Variants in CHD1L observed in about 807,000 individuals in gnomAD.
The protein encoded by CHD1L is ATP-dependent chromatin remodeler CHD1L.
A neutral mutation model predicts 115.9 loss-of-function variants in CHD1L; 118 were observed. The ratio of observed to expected loss-of-function variants is 1.02; its 90% CI spans 0.88 to 1.19. The LOEUF is 1.19. Ranked by LOEUF, CHD1L falls within the 50% of genes most tolerant of loss-of-function variation. CHD1L has a pLI of 0.00. For synonymous variants in CHD1L, 411 were observed against 387.1 expected (o/e 1.06, Z -0.72); for missense variants, 1,179 against 1,065.3 (o/e 1.11, Z -1.49).
chr1:147,289,270 A>C (rs1684577697), intron 19 of CHD1L, among the ~76,000 whole-genome samples: 1 of 152,116 alleles, frequency 6.6e-6, no homozygotes, highest in African/African-American at 2.4e-5. Context: ...AGAGGCAGAG[A>C]ACAGACCTGG....
chr1:147,254,368 A>G (rs6593751), intron 2 of CHD1L, among the ~76,000 whole-genome samples: 14,274 of 152,194 alleles, frequency 0.094, 743 homozygotes, highest in East Asian at 0.16. Flanking sequence ...CTGTAAATAC[A>G]TATGGAAGAA....
At chr1:147,279,347 T>C (rs1553960198) in intron 14 of CHD1L, among the ~76,000 whole-genome samples, 1 of 152,150 alleles carries the variant, frequency 6.6e-6, no homozygotes, top group Non-Finnish European at 1.5e-5. Flanking sequence ...GGAAAAATTA[T>C]CTGTGCTTTC....
chr1:147,188,428 C>T, the CHD1L span, among the ~76,000 whole-genome samples: 1 of 146,058 alleles, frequency 6.8e-6, no homozygotes, highest in East Asian at 2.1e-4. Flanking sequence ...GAGGCTGAGG[C>T]GGGAGAATTG....
At position 147,270,981 on chromosome 1, in the gene CHD1L, C is replaced by T; in HGVS notation, c.1135C>T (p.Leu379Phe). 1.2e-6 allele frequency: 2 copies of T among 1,614,010 alleles called. No homozygotes were observed. Among genetic ancestry groups the T allele is most frequent in the South Asian group, 2.2e-5 (2 of 91,074 alleles). The change falls in exon 11 of 23, where the codon CTC becomes TTC. Residue 379 changes from leucine to phenylalanine, a missense_variant. Transcript: ENST00000369258. ...CCAAATGACCCAGATGTTGGATATT[C>T]TCCAAGACTATATGGATTACAGAGG... Reference protein sequence around the residue: ...FSQMTQMLDILQDYMDYRGYS... With the variant: ...FSQMTQMLDIFQDYMDYRGYS...
At chr1:147,186,534 A>T in the CHD1L span, 16 of 1,004,986 alleles carry the variant, frequency 1.6e-5, no homozygotes, top group Non-Finnish European at 1.9e-5. Context: ...GGAGTAAGCG[A>T]TTTTATACCG....
At chr1:147,224,750 T>C in the CHD1L span, 1 of 697,058 alleles carries the variant, frequency 1.4e-6, no homozygotes, top group Admixed American at 2.2e-5. Context: ...GACCTCGTGA[T>C]CCGCCCGCCT....
At chr1:147,284,528 G>T in intron 16 of CHD1L, 29 bp downstream of exon 16, 2 of 1,524,670 alleles carry the variant, frequency 1.3e-6, no homozygotes, top group South Asian at 2.5e-5. Flanking sequence ...TTTAAAAGTT[G>T]TTCTTCCAAA....
At chr1:147,212,525 C>G in the CHD1L span, 1 of 1,612,500 alleles carries the variant, frequency 6.2e-7, no homozygotes, top group African/African-American at 1.3e-5. Flanking sequence ...GCCCTTTGAA[C>G]TTCTCAATTC....
Position 147,295,432 on chromosome 1 carries a change from T to C in CHD1L, c.2617T>C (p.Tyr873His), listed in dbSNP as rs1182316367. 6.2e-7 allele frequency: 1 copy of C among 1,602,730 alleles called. No individual in the cohort carries two copies. Among genetic ancestry groups the C allele is most frequent in the African/African-American group, 1.3e-5 (1 of 74,828 alleles). Residue 873 changes from tyrosine (Y) to histidine (H), a missense_variant and splice_region_variant, in exon 23 of 23, where the codon TAT (tyrosine) becomes CAT (histidine). Transcript: ENST00000369258. Reference sequence around the variant, plus strand: ...ATCTTCCTTGACCATCCTTATCAGATATTATTTTCCTAGAAGCAAGTCTGC... The same window carrying C: ...ATCTTCCTTGACCATCCTTATCAGACATTATTTTCCTAGAAGCAAGTCTGC... ...LAARGIPTYI[Y>H]YFPRSKSAVL...
chr1:147,274,744 G>T (rs900152768), intron 12 of CHD1L, among the ~76,000 whole-genome samples: 30 of 152,098 alleles, frequency 2.0e-4, no homozygotes, highest in Non-Finnish European at 1.0e-4. Context: ...GAGTGTTCTT[G>T]TCTTGCCGTT....
At chr1:147,284,822 A>T (rs1170959230) in intron 16 of CHD1L, among the ~76,000 whole-genome samples, 1 of 152,204 alleles carries the variant, frequency 6.6e-6, no homozygotes, top group African/African-American at 2.4e-5. Context: ...ACCCTATGAC[A>T]AGAAGAGAGG....
Position 147,294,537 on chromosome 1 carries a change from A to C in CHD1L, c.2615+20A>C. On this transcript the variant is annotated intron_variant, in intron 22 of 22. Coordinates refer to ENST00000369258, the MANE Select transcript of CHD1L (RefSeq NM_004284.6). ...TTACATGTATCCTTTTGTGATCTTCATTGTGTGTTCTCCCAACCCAAGAGG... is the reference window on the plus strand; with the variant it reads ...TTACATGTATCCTTTTGTGATCTTCCTTGTGTGTTCTCCCAACCCAAGAGG... 1 of 1,578,890 alleles carries C rather than the reference A, an allele frequency of 6.3e-7. No homozygotes were observed. Among genetic ancestry groups the C allele is most frequent in the African/African-American group, 1.4e-5 (1 of 74,034 alleles).
In CHD1L at chr1:147,259,774, CTT is replaced by C. The variant is rs1671298842; in HGVS notation, c.495-60_495-59del. On this transcript the variant is annotated intron_variant, in intron 5 of 22. Coordinates refer to ENST00000369258, the MANE Select transcript of CHD1L (RefSeq NM_004284.6). ...TAACAGTCACAGTTTTGTAGTAAGA[CTT>C]TTGATTGTGAAATATGTGTTTAAAT... 1.4e-5 allele frequency: 19 copies of C among 1,399,466 alleles called. No homozygotes were observed. The South Asian group carries it at 2.3e-4, about 17-fold the overall frequency. 86.7% of individuals were successfully genotyped at this position (1,399,466 alleles called of 1,614,324 possible).
At chr1:147,281,501 G>A (rs1481871932) in intron 15 of CHD1L, among the ~76,000 whole-genome samples, 1 of 152,156 alleles carries the variant, frequency 6.6e-6, no homozygotes, top group Non-Finnish European at 1.5e-5. Context: ...TGTGGGATAG[G>A]TGGAAAAGTT....
chr1:147,213,661 A>G, the CHD1L span, among the ~76,000 whole-genome samples: 3 of 152,186 alleles, frequency 2.0e-5, no homozygotes, highest in African/African-American at 7.2e-5. Flanking sequence ...CAAGACAGAA[A>G]AAAATAACAT....
chr1:147,287,635 A>G lies in CHD1L; in HGVS notation c.2222A>G (p.Asp741Gly). The change falls in exon 19 of 23, where the codon GAT (aspartate) becomes GGT (glycine). Residue 741 changes from aspartate to glycine, a missense_variant and splice_region_variant. By Grantham distance (94) the Asp-to-Gly change is moderately conservative. Coordinates refer to ENST00000369258, the MANE Select transcript of CHD1L (RefSeq NM_004284.6). ...GAAAATTTTCTCTTTCTTCAAACAG[A>G]TGACTCTGGCCACTGGGGCAGAGGT... Reference protein sequence around the residue: ...AEDALIVHCVDDSGHWGRGGL... With the variant: ...AEDALIVHCVGDSGHWGRGGL... The G allele has an allele frequency of 2.5e-6, 4 of 1,612,636 alleles. No homozygotes were observed. The highest frequency in any genetic ancestry group is 3.3e-5 in the Admixed American group (2 of 59,804).
intron 13 of CHD1L, 40 bp from the exon 14 acceptor site, chr1:147,276,064 C>T (rs1448906100): frequency 1.9e-6 from 3 of 1,591,280 alleles, no homozygotes; most frequent in Non-Finnish European, 2.6e-6. Flanking sequence ...CAGCTTTGCA[C>T]ACCCTTATAG....
the CHD1L span, among the ~76,000 whole-genome samples, chr1:147,174,060 A>G: frequency 6.6e-6 from 1 of 152,138 alleles, no homozygotes; most frequent in Non-Finnish European, 1.5e-5. Context: ...TCATTTTTAT[A>G]TTATGAAGTT....
At position 147,285,504 on chromosome 1, in the gene CHD1L, C is replaced by G; in HGVS notation, c.2018+17C>G. ...TAAGAAAAAGTATGTCTGCGTTAACCAAGCTGGCGGCCACAGTTGAAGGAG... is the reference window on the plus strand; with the variant it reads ...TAAGAAAAAGTATGTCTGCGTTAACGAAGCTGGCGGCCACAGTTGAAGGAG... On this transcript the variant is annotated intron_variant, in intron 17 of 22. Coordinates refer to ENST00000369258, the MANE Select transcript of CHD1L (RefSeq NM_004284.6). 1 of 1,601,428 alleles carries G rather than the reference C, an allele frequency of 6.2e-7. No homozygotes were observed.
Sources: allele counts gnomAD v4.1 joint callset (sites outside exome capture counted in the v4.1 genomes callset), GRCh38; gene constraint gnomAD v4.1.1; transcripts MANE v1.5; gene names NCBI Gene and HGNC (gene_info 2026-07-23, HGNC 2026-07-21).